Variants in NRXN3 observed in about 807,000 individuals in gnomAD.
NRXN3 encodes neurexin III.
Under a neutral mutation model 137.6 loss-of-function variants are expected in NRXN3, and 32 were observed. The observed-to-expected ratio is 0.23, with a 90% CI of 0.18 to 0.31. The LOEUF (loss-of-function observed/expected upper bound fraction) is 0.31, where lower values mean the gene tolerates loss of function less well. Ranked by LOEUF, NRXN3 falls within the 10% of genes least tolerant of loss-of-function variation. NRXN3 has a pLI of 1.00. For synonymous variants in NRXN3, 798 were observed against 784.5 expected (o/e 1.02, Z -0.29); for missense variants, 1,574 against 2,062.5 (o/e 0.76, Z 4.59).
intron 15 of NRXN3, among the ~76,000 whole-genome samples, chr14:79,245,941 C>T (rs900279343): frequency 2.0e-5 from 3 of 152,104 alleles, no homozygotes; most frequent in Admixed American, 6.6e-5. Context: ...GTCATAGGTC[C>T]TTAGATTCTA....
chr14:79,648,095 C>T lies in NRXN3; in HGVS notation c.3445-15683C>T, dbSNP rs184771997. 2.6e-4 allele frequency among the ~76,000 whole-genome samples: 35 copies of T among 134,982 alleles called. 8 individuals carry two copies. The Admixed American group carries it at 2.7e-3, about 10-fold the overall frequency. The allele number at this position is 134,982 out of a possible 152,430, so 88.6% of individuals were successfully genotyped here. On this transcript the variant is annotated intron_variant, in intron 16 of 20. Coordinates refer to ENST00000335750, the MANE Select transcript of NRXN3 (RefSeq NM_001330195.2). ...CCTTAATTTTTCTTGAATCCTGTGG[C>T]CTTCTCAGTCTATCCTTTATTGAGG... is the stretch of plus-strand genomic sequence containing the variant.
At chr14:78,926,784 ATATAT>A (rs1367838460) in intron 10 of NRXN3, among the ~76,000 whole-genome samples, 841 of 27,822 alleles carry the variant, frequency 0.03, 121 homozygotes, top group African/African-American at 0.13. Flanking sequence ...TATATATAAA[ATATAT>A]TATATATTAT....
chr14:78,608,857 T>TGCCTGG (rs1284094217), intron 4 of NRXN3, among the ~76,000 whole-genome samples: 1 of 152,150 alleles, frequency 6.6e-6, no homozygotes, highest in Non-Finnish European at 1.5e-5. Context: ...TCACTACAGC[T>TGCCTGG]GCCTGGAGGA....
intron 4 of NRXN3, among the ~76,000 whole-genome samples, chr14:78,588,356 G>C (rs185249041): frequency 6.6e-6 from 1 of 152,222 alleles, no homozygotes; most frequent in Admixed American, 6.5e-5. Context: ...GATACAGTTT[G>C]TAACTGATAT....
intron 8 of NRXN3, among the ~76,000 whole-genome samples, chr14:78,798,301 A>G (rs2098828358): frequency 6.6e-6 from 1 of 152,216 alleles, no homozygotes; most frequent in African/African-American, 2.4e-5. Flanking sequence ...CAAAGGGGCT[A>G]CAGGCTCCAT....
Position 78,968,330 on chromosome 14 carries a change from C to T in NRXN3, c.3126C>T (p.Ile1042=), listed in dbSNP as rs750847515. 6.3e-5 allele frequency: 102 copies of T among 1,613,512 alleles called. 1 individual carries two copies. The highest frequency in any genetic ancestry group is 4.5e-4 in the Admixed American group (27 of 59,980). The change falls in exon 14 of 21, where the codon ATC becomes ATT. Residue 1042 remains isoleucine (I), a synonymous_variant. Transcript: ENST00000335750. ...ATGCTCTTCATCGGAGCGGACAGAT[C>T]GAGCGTGGCTGTGAAGGTACAACCT... is the stretch of plus-strand genomic sequence containing the variant. ...INDALHRSGQ[I]ERGCEGPSTT...
At position 78,506,734 on chromosome 14, in the gene NRXN3, A is replaced by C. The variant is rs1049962331; in HGVS notation, c.758-138386A>C. The stretch of plus-strand genomic sequence containing the variant: ...AGGGCAATGGCTATTCACAGGCACA[A>C]TCATAGCATGCTACAGCCCTAAATT... On this transcript the variant is annotated intron_variant, in intron 4 of 20. Transcript: ENST00000335750. 1.7e-4 allele frequency among the ~76,000 whole-genome samples: 25 copies of C among 149,228 alleles called. 1 individual carries two copies. The highest frequency in any genetic ancestry group is 2.7e-4 in the Admixed American group (4 of 14,822).
intron 15 of NRXN3, among the ~76,000 whole-genome samples, chr14:79,146,065 T>C (rs1171023699): frequency 6.6e-6 from 1 of 152,128 alleles, no homozygotes; most frequent in Non-Finnish European, 1.5e-5. Context: ...AGCTGCCTAA[T>C]TTATTGCGCT....
chr14:79,114,286 C>T (rs957841957), intron 15 of NRXN3, among the ~76,000 whole-genome samples: 3 of 152,150 alleles, frequency 2.0e-5, no homozygotes, highest in South Asian at 2.1e-4. Context: ...AAGTATTATT[C>T]GTCTCAATAT....
intron 15 of NRXN3, among the ~76,000 whole-genome samples, chr14:79,282,625 A>C (rs1015614800): frequency 6.6e-6 from 1 of 152,150 alleles, no homozygotes; most frequent in African/African-American, 2.4e-5. Context: ...TCCCCAGTCT[A>C]GTTTCTCATT....
At chr14:78,369,319 G>A (rs980035961) in intron 4 of NRXN3, among the ~76,000 whole-genome samples, 7 of 151,442 alleles carry the variant, frequency 4.6e-5, no homozygotes, top group Non-Finnish European at 8.8e-5. Flanking sequence ...CTATATATGT[G>A]AAGACAGCCT....
intron 4 of NRXN3, among the ~76,000 whole-genome samples, chr14:78,404,033 A>T (rs1268274751): frequency 1.3e-5 from 2 of 151,934 alleles, no homozygotes; most frequent in African/African-American, 4.8e-5. Context: ...AGCCAAATGA[A>T]CTCTGTGGCC....
intron 4 of NRXN3, among the ~76,000 whole-genome samples, chr14:78,561,301 C>T (rs930171050): frequency 6.6e-6 from 1 of 152,184 alleles, no homozygotes; most frequent in Admixed American, 6.5e-5. Context: ...TGTAATTTTT[C>T]TGTCTTCTCA....
At chr14:79,472,054 C>T (rs1422884082) in intron 16 of NRXN3, among the ~76,000 whole-genome samples, 1 of 152,196 alleles carries the variant, frequency 6.6e-6, no homozygotes, top group Non-Finnish European at 1.5e-5. Context: ...CATGTGTTCT[C>T]ATCATTTAGC....
At chr14:79,745,924 A>T (rs956872561) in intron 19 of NRXN3, among the ~76,000 whole-genome samples, 3 of 152,122 alleles carry the variant, frequency 2.0e-5, no homozygotes, top group Non-Finnish European at 4.4e-5. Context: ...TTCTTGTAAG[A>T]CACTAGTTAT....
Position 78,696,675 on chromosome 14 carries a change from C to G in NRXN3, c.1222-12542C>G, listed in dbSNP as rs77850993. Among the ~76,000 whole-genome samples the G allele has an allele frequency of 9.6e-3, 1,461 of 152,112 alleles. 32 individuals are homozygous for G. The highest frequency in any genetic ancestry group is 0.033 in the African/African-American group (1,356 of 41,476). On this transcript the variant is annotated intron_variant, in intron 6 of 20. Coordinates refer to ENST00000335750, the MANE Select transcript of NRXN3 (RefSeq NM_001330195.2). Reference sequence around the variant, plus strand: ...AGGGTGGCCATCTATTCCAGGTCACCTTGGAAAGTTCTGGGTAATATCTCC... The same window carrying G: ...AGGGTGGCCATCTATTCCAGGTCACGTTGGAAAGTTCTGGGTAATATCTCC...
intron 1 of NRXN3, among the ~76,000 whole-genome samples, chr14:78,206,047 C>T (rs1239480026): frequency 1.3e-5 from 2 of 152,156 alleles, no homozygotes; most frequent in Non-Finnish European, 2.9e-5. Flanking sequence ...AACCAGATCA[C>T]AAAGCAAATG....
In NRXN3 at chr14:79,214,389, C is replaced by T. The variant is rs773266677; in HGVS notation, c.3262+226248C>T. Among the ~76,000 whole-genome samples the T allele has an allele frequency of 2.0e-5, 3 of 152,162 alleles. No individual in the cohort carries two copies. The East Asian group carries it at 5.8e-4, about 29-fold the overall frequency. ...TGGTCTTTGTATCAGAAAGTAGAAT[C>T]TGAAGAAATATGCTGCAAGCCAGGA... On this transcript the variant is annotated intron_variant, in intron 15 of 20. Coordinates refer to ENST00000335750, the MANE Select transcript of NRXN3 (RefSeq NM_001330195.2).
intron 16 of NRXN3, among the ~76,000 whole-genome samples, chr14:79,562,490 G>C (rs2097507797): frequency 6.6e-6 from 1 of 152,104 alleles, no homozygotes; most frequent in Admixed American, 6.6e-5. Flanking sequence ...CATATAAAAT[G>C]ATACTGCCTG....
Sources: gnomAD v4.1 joint callset for allele counts (sites outside exome capture counted in the v4.1 genomes callset) on GRCh38, gnomAD v4.1.1 for gene constraint, MANE v1.5 for transcripts, NCBI Gene and HGNC (gene_info 2026-07-23, HGNC 2026-07-21) for gene names.